NETO1: variants seen among roughly 807,000 people sequenced by gnomAD.
The protein encoded by NETO1 is neuropilin and tolloid-like protein 1.
In NETO1, 26 loss-of-function variants were observed where a neutral mutation model predicts 61.3. The ratio of observed to expected loss-of-function variants is 0.42; its 90% confidence interval spans 0.31 to 0.59. The LOEUF (loss-of-function observed/expected upper bound fraction) is 0.59, where lower values mean the gene tolerates loss of function less well. NETO1 is among the 20% of genes least tolerant of loss of function. The probability of loss-of-function intolerance (pLI) is 0.12; values close to 1 mark genes in which losing one functional copy is unlikely to be tolerated. For missense variants in NETO1, 531 were observed against 662.8 expected, an observed-to-expected ratio of 0.80 and a Z score of 2.18; for synonymous variants, 225 against 225.8, an observed-to-expected ratio of 1.00 and a Z score of 0.03.
intron 4 of NETO1, among the ~76,000 whole-genome samples, chr18:72,848,837 C>T (rs1206890479): frequency 6.6e-6 from 1 of 152,200 alleles, no homozygotes; most frequent in Admixed American, 6.5e-5. Context: ...CCATTTCAAT[C>T]TTTATATCTG....
At chr18:72,762,366 C>T (rs764425979) in intron 7 of NETO1, among the ~76,000 whole-genome samples, 4 of 152,004 alleles carry the variant, frequency 2.6e-5, no homozygotes, top group Non-Finnish European at 5.9e-5. Flanking sequence ...AACTCACATA[C>T]CAATGCACTT....
chr18:72,776,097 G>T lies in NETO1; in HGVS notation c.868+7581C>A, dbSNP rs140410132. 1.2e-3 allele frequency among the ~76,000 whole-genome samples: 183 copies of T among 152,322 alleles called. 4 individuals carry two copies. In the East Asian group the frequency reaches 0.026, roughly 22 times the overall value. ...TGTAGCTCAGAGTTCTACAGGCTGA[G>T]AAGTTCAAGGGCATGGCCCTGGCTT... On this transcript the variant is annotated intron_variant, in intron 7 of 10. Transcript: ENST00000327305.
intron 7 of NETO1, among the ~76,000 whole-genome samples, chr18:72,772,825 C>CTCTCTCTCTCTCTCTATA (rs1568187563): frequency 2.4e-5 from 1 of 40,870 alleles, no homozygotes; most frequent in African/African-American, 1.1e-4. Flanking sequence ...CTCTCTCTCT[C>CTCTCTCTCTCTCTCTATA]TATATATATA....
At chr18:72,826,031 T>C (rs1437708290) in intron 4 of NETO1, among the ~76,000 whole-genome samples, 1 of 151,904 alleles carries the variant, frequency 6.6e-6, no homozygotes, top group African/African-American at 2.4e-5. Flanking sequence ...AATATATTCA[T>C]TATCTTTTTG....
chr18:72,794,553 T>A, intron 4 of NETO1, 149 bp from the exon 5 acceptor site: 2 of 706,628 alleles, frequency 2.8e-6, no homozygotes, highest in East Asian at 2.7e-5. Flanking sequence ...AGTAAATGAT[T>A]AAATAAAAAG....
chr18:72,765,314 T>C (rs1317519651), intron 7 of NETO1, among the ~76,000 whole-genome samples: 2 of 152,226 alleles, frequency 1.3e-5, no homozygotes, highest in African/African-American at 4.8e-5. Context: ...TGAGTTAACT[T>C]ATCTGTGCCT....
intron 4 of NETO1, among the ~76,000 whole-genome samples, chr18:72,804,815 T>C (rs1440354897): frequency 6.6e-6 from 1 of 152,192 alleles, no homozygotes; most frequent in Non-Finnish European, 1.5e-5. Flanking sequence ...AACAGGATAG[T>C]CTTAGAAAAC....
intron 6 of NETO1, among the ~76,000 whole-genome samples, chr18:72,792,645 A>T (rs2145273110): frequency 6.6e-6 from 1 of 151,552 alleles, no homozygotes; most frequent in South Asian, 2.1e-4. Context: ...GAAAAAAAAC[A>T]ATTTTCCAAA....
intron 4 of NETO1, among the ~76,000 whole-genome samples, chr18:72,797,979 G>A (rs1360665280): frequency 2.6e-5 from 4 of 152,040 alleles, no homozygotes; most frequent in African/African-American, 4.8e-5. Context: ...AAATAGCAAC[G>A]TCCCTAATTT....
In NETO1 at chr18:72,858,869, C is replaced by T; in HGVS notation, c.426G>A (p.Glu142=). 1 of 1,613,680 alleles carries T rather than the reference C, an allele frequency of 6.2e-7. No individual in the cohort carries two copies. Among genetic ancestry groups the T allele is most frequent in the South Asian group, 1.1e-5 (1 of 91,048 alleles). Residue 142 remains glutamate, a synonymous_variant, in exon 4 of 11, where the codon GAG becomes GAA. Coordinates refer to ENST00000327305, the MANE Select transcript of NETO1 (RefSeq NM_138966.5). Reference sequence around the variant, plus strand: ...GAGCTGAAAATCCCATAGATTCCAGCTCTCCATCAGCAAAAAATTTAATCC... The same window carrying T: ...GAGCTGAAAATCCCATAGATTCCAGTTCTCCATCAGCAAAAAATTTAATCC... ...FLWIKFFADG[E]LESMGFSARY... is the part of the protein sequence containing the mutation.
At chr18:72,847,453 A>G (rs1317056936) in intron 4 of NETO1, among the ~76,000 whole-genome samples, 1 of 152,230 alleles carries the variant, frequency 6.6e-6, no homozygotes, top group Non-Finnish European at 1.5e-5. Flanking sequence ...AAGCAAAGGC[A>G]TCAGGCAAAT....
chr18:72,808,286 G>A (rs1183898601), intron 4 of NETO1, among the ~76,000 whole-genome samples: 1 of 152,200 alleles, frequency 6.6e-6, no homozygotes, highest in Non-Finnish European at 1.5e-5. Context: ...CTTCTCCTAA[G>A]AACTACATGA....
chr18:72,810,118 T>C (rs1454709701), intron 4 of NETO1, among the ~76,000 whole-genome samples: 1 of 152,248 alleles, frequency 6.6e-6, no homozygotes, highest in Non-Finnish European at 1.5e-5. Context: ...AAGGATTTAT[T>C]TGCATTCTAC....
At position 72,783,884 on chromosome 18, in the gene NETO1, T is replaced by A; in HGVS notation, c.662A>T (p.Tyr221Phe). 1 of 1,613,276 alleles carries A rather than the reference T, an allele frequency of 6.2e-7. No individual in the cohort carries two copies. The highest frequency in any genetic ancestry group is 8.5e-7 in the Non-Finnish European group (1 of 1,179,212). ...GCACTCATTTGAATTCTGCATCTCA[T>A]AGTCCAAGAATCGTAAGTAAATCTA... ...RSKIYLRFLD[Y>F]EMQNSNECKR... Residue 221 changes from tyrosine (Y) to phenylalanine (F), a missense_variant, in exon 7 of 11, where the codon TAT becomes TTT. Coordinates refer to ENST00000327305, the MANE Select transcript of NETO1 (RefSeq NM_138966.5).
intron 4 of NETO1, among the ~76,000 whole-genome samples, chr18:72,813,208 T>C (rs1049164535): frequency 4.6e-5 from 7 of 152,166 alleles, no homozygotes; most frequent in African/African-American, 1.7e-4. Context: ...AGTCAACACT[T>C]GTCATTACAG....
chr18:72,852,925 C>T (rs1462037504), intron 4 of NETO1, among the ~76,000 whole-genome samples: 1 of 151,020 alleles, frequency 6.6e-6, no homozygotes, highest in East Asian at 1.9e-4. Context: ...CTCTACCTCC[C>T]GGATTCAAGC....
intron 4 of NETO1, among the ~76,000 whole-genome samples, chr18:72,825,038 A>G (rs1327820824): frequency 6.6e-6 from 1 of 152,238 alleles, no homozygotes; most frequent in Non-Finnish European, 1.5e-5. Flanking sequence ...TCATAAATCA[A>G]CCACCATAGA....
intron 4 of NETO1, chr18:72,834,472 C>G (rs2073679373): frequency 1.0e-6 from 1 of 980,862 alleles, no homozygotes; most frequent in African/African-American, 1.7e-5. Context: ...ACAGCAATTT[C>G]ATTTTTAAAT....
intron 6 of NETO1, among the ~76,000 whole-genome samples, chr18:72,790,204 C>T (rs1250292331): frequency 3.3e-5 from 5 of 152,006 alleles, no homozygotes; most frequent in Admixed American, 1.3e-4. Flanking sequence ...GACTCTGTCC[C>T]GTATCCCGTC....
Sources: gnomAD v4.1 joint callset for allele counts (sites outside exome capture counted in the v4.1 genomes callset) on GRCh38, gnomAD v4.1.1 for gene constraint, MANE v1.5 for transcripts, NCBI Gene and HGNC (gene_info 2026-07-23, HGNC 2026-07-21) for gene names.